The following STARD13 variants were observed in gnomAD, a reference collection of about 807,000 sequenced individuals.
STARD13 encodes the protein stAR-related lipid transfer protein 13.
Under a neutral mutation model 106.4 loss-of-function variants are expected in STARD13, and 62 were observed. That is an observed-to-expected ratio of 0.58 (90% CI 0.48 to 0.72). The LOEUF is 0.72. Ranked by LOEUF, STARD13 falls within the 30% of genes least tolerant of loss-of-function variation. STARD13 has a pLI of 0.00. For missense variants in STARD13, 1,387 were observed against 1,424.0 expected (o/e 0.97, Z 0.42); for synonymous variants, 565 against 553.0 (o/e 1.02, Z -0.31).
chr13:33,363,323 A>G, the STARD13 span, among the ~76,000 whole-genome samples: 1 of 152,150 alleles, frequency 6.6e-6, no homozygotes, highest in African/African-American at 2.4e-5. Context: ...TAGTTATTCC[A>G]TGCCTATCTG....
At chr13:33,358,010 T>C in the STARD13 span, among the ~76,000 whole-genome samples, 3 of 152,106 alleles carry the variant, frequency 2.0e-5, no homozygotes, top group African/African-American at 7.2e-5. Context: ...CGGGGCTGCG[T>C]GCGGCGCTTG....
rs1311760322 is a variant in STARD13 at position 33,103,722 on chromosome 13, C to T, written c.*1871G>A. 2 of 152,486 alleles carry T rather than the reference C, an allele frequency of 1.3e-5. No individual in the cohort carries two copies. Among genetic ancestry groups the T allele is most frequent in the Non-Finnish European group, 2.9e-5 (2 of 68,040 alleles). The allele number at this position is 152,486 out of a possible 1,614,324, so 9.4% of individuals were successfully genotyped here. A position where few individuals can be genotyped will look rare whatever the true frequency, so the allele number is the denominator to read the frequency against. ...GCCACTCATCCTCGTGTGCCTATCA[C>T]GTTTTCCAAACACATAGGATCCCAT... On this transcript the variant is annotated 3_prime_UTR_variant, in exon 14 of 14. Coordinates refer to ENST00000336934, the MANE Select transcript of STARD13 (RefSeq NM_178006.4).
At chr13:33,209,618 A>T (rs756600140) in intron 1 of STARD13, among the ~76,000 whole-genome samples, 3 of 152,130 alleles carry the variant, frequency 2.0e-5, no homozygotes, top group Non-Finnish European at 4.4e-5. Context: ...AGGGACCGAT[A>T]TTTCAATCAT....
chr13:33,217,158 A>G (rs1185490506), intron 1 of STARD13, among the ~76,000 whole-genome samples: 1 of 152,068 alleles, frequency 6.6e-6, no homozygotes, highest in Non-Finnish European at 1.5e-5. Flanking sequence ...ACATGGTACT[A>G]TCCCTGCTGG....
intron 1 of STARD13, among the ~76,000 whole-genome samples, chr13:33,270,029 A>G (rs1198013972): frequency 6.6e-6 from 1 of 152,176 alleles, no homozygotes; most frequent in African/African-American, 2.4e-5. Flanking sequence ...TAAGGTCAGG[A>G]GTTCGAGACC....
chr13:33,107,098 G>T (rs1873845108), intron 12 of STARD13, among the ~76,000 whole-genome samples, 164 bp from the exon 13 acceptor site: 1 of 152,218 alleles, frequency 6.6e-6, no homozygotes, highest in Non-Finnish European at 1.5e-5. Flanking sequence ...CTTGTGTAAA[G>T]TTTATACAGA....
chr13:33,185,952 C>T (rs924060204), intron 1 of STARD13: 1 of 1,614,204 alleles, frequency 6.2e-7, no homozygotes, highest in Non-Finnish European at 8.5e-7. Context: ...TTCTCTGCAC[C>T]AGCGCAGCAC....
chr13:33,322,866 T>C (rs931352517), intron 1 of STARD13, among the ~76,000 whole-genome samples: 1 of 152,180 alleles, frequency 6.6e-6, no homozygotes, highest in Non-Finnish European at 1.5e-5. Flanking sequence ...CTAAACAATG[T>C]CCCTGTGGAT....
the STARD13 span, among the ~76,000 whole-genome samples, chr13:33,599,449 T>C: frequency 6.6e-6 from 1 of 152,196 alleles, no homozygotes; most frequent in East Asian, 1.9e-4. Flanking sequence ...CATCAGTTAC[T>C]TAATAACCTT....
the STARD13 span, among the ~76,000 whole-genome samples, chr13:33,623,898 A>T: frequency 6.6e-6 from 1 of 152,346 alleles, no homozygotes; most frequent in African/African-American, 2.4e-5. Flanking sequence ...GCTATTAAAG[A>T]CACCAAGATA....
chr13:33,668,452 T>C, the STARD13 span, among the ~76,000 whole-genome samples: 1 of 152,104 alleles, frequency 6.6e-6, no homozygotes, highest in Non-Finnish European at 1.5e-5. Flanking sequence ...GAGTTGACAA[T>C]TGGTCAAACT....
the STARD13 span, among the ~76,000 whole-genome samples, chr13:33,359,800 G>A: frequency 6.6e-6 from 1 of 152,168 alleles, no homozygotes; most frequent in Non-Finnish European, 1.5e-5. Flanking sequence ...GAAATTTGGA[G>A]GTTGTCAGAT....
At chr13:33,492,416 C>G in the STARD13 span, among the ~76,000 whole-genome samples, 1 of 152,128 alleles carries the variant, frequency 6.6e-6, no homozygotes. Context: ...AGGTTGAAAC[C>G]TACTGGGTTG....
chr13:33,297,934 G>T (rs1594233658), intron 1 of STARD13, among the ~76,000 whole-genome samples: 1 of 152,018 alleles, frequency 6.6e-6, no homozygotes, highest in Admixed American at 6.6e-5. Context: ...AAACTCCAGT[G>T]TTCAAAATAA....
intron 1 of STARD13, among the ~76,000 whole-genome samples, chr13:33,213,872 C>CA (rs1162654131): frequency 1.3e-5 from 2 of 152,190 alleles, no homozygotes; most frequent in African/African-American, 4.8e-5. Context: ...CTTGGTATAA[C>CA]ACTTAGCACA....
chr13:33,418,624 C>T, the STARD13 span, among the ~76,000 whole-genome samples: 1 of 152,246 alleles, frequency 6.6e-6, no homozygotes, highest in African/African-American at 2.4e-5. Flanking sequence ...TGAGAATGGA[C>T]AGACTGCCTC....
the STARD13 span, among the ~76,000 whole-genome samples, chr13:33,613,838 G>A: frequency 2.0e-4 from 31 of 152,314 alleles, no homozygotes; most frequent in Middle Eastern, 3.4e-3. Flanking sequence ...GAAGGGGTGG[G>A]AAAGGACACA....
chr13:33,228,864 A>G (rs1338852008), intron 1 of STARD13, among the ~76,000 whole-genome samples: 1 of 152,256 alleles, frequency 6.6e-6, no homozygotes, highest in Non-Finnish European at 1.5e-5. Flanking sequence ...TCTAATTGGT[A>G]CGTAACCTCA....
chr13:33,106,940 G>C lies in STARD13; in HGVS notation c.3048-6C>G, dbSNP rs1181587903. ...GCAAATCAGTTTTCCAGGTCCTGTA[G>C]CAAAACAATCCGCACATCAGAGTCA... On this transcript the variant is annotated splice_polypyrimidine_tract_variant and splice_region_variant and intron_variant, in intron 12 of 13. Transcript: ENST00000336934. 1 of 1,610,000 alleles carries C rather than the reference G, an allele frequency of 6.2e-7. No individual in the cohort carries two copies. The highest frequency in any genetic ancestry group is 8.5e-7 in the Non-Finnish European group (1 of 1,177,562).
Sources: gnomAD v4.1 joint callset for allele counts (sites outside exome capture counted in the v4.1 genomes callset) on GRCh38, gnomAD v4.1.1 for gene constraint, MANE v1.5 for transcripts, NCBI Gene and HGNC (gene_info 2026-07-23, HGNC 2026-07-21) for gene names.